The following RECK variants were observed in gnomAD, a reference collection of about 807,000 sequenced individuals.
RECK encodes reversion inducing cysteine rich protein with kazal motifs.
In RECK, 69 loss-of-function variants were observed where a neutral mutation model predicts 115.1. The observed-to-expected ratio is 0.60, with a 90% confidence interval of 0.49 to 0.73. The LOEUF is 0.73. Ranked by LOEUF, RECK falls within the 30% of genes least tolerant of loss-of-function variation. The pLI, the probability that RECK is intolerant of heterozygous loss-of-function variation, is 0.00. For missense variants in RECK, 1,047 were observed against 1,203.7 expected, an observed-to-expected ratio of 0.87 and a Z score of 1.93; for synonymous variants, 414 against 419.7, an observed-to-expected ratio of 0.99 and a Z score of 0.17.
chr9:36,108,249 C>T lies in RECK; in HGVS notation c.1765+85C>T. 3.0e-6 allele frequency: 3 copies of T among 1,006,654 alleles called. No individual in the cohort carries two copies. In the South Asian group the frequency reaches 5.3e-5, roughly 18 times the overall value. The allele number at this position is 1,006,654 out of a possible 1,614,324, so 62.4% of individuals were successfully genotyped here. A position where few individuals can be genotyped will look rare whatever the true frequency, so the allele number is the denominator to read the frequency against. Reference sequence around the variant, plus strand: ...AAGAATACTGGATAGATTCTGACCACAGAGTAAGGTCTGCATATCAGATAC... The same window carrying T: ...AAGAATACTGGATAGATTCTGACCATAGAGTAAGGTCTGCATATCAGATAC... On this transcript the variant is annotated intron_variant, in intron 14 of 20. Transcript: ENST00000377966.
intron 19 of RECK, 21 bp from the exon 20 acceptor site, chr9:36,121,512 A>G: frequency 6.2e-7 from 1 of 1,608,074 alleles, no homozygotes; most frequent in South Asian, 1.1e-5. Context: ...TTTTCAGGTA[A>G]TACATGTTTT....
intron 2 of RECK, chr9:36,057,139 A>G (rs1821560401): frequency 3.5e-6 from 1 of 286,272 alleles, no homozygotes; most frequent in Admixed American, 6.5e-5. Flanking sequence ...TTGTCAGCTC[A>G]TCAGCATCAA....
At chr9:36,104,328 T>A (rs1176639) in intron 12 of RECK, among the ~76,000 whole-genome samples, 339 of 7,048 alleles carry the variant, frequency 0.048, no homozygotes, top group East Asian at 0.09. Flanking sequence ...ATATATATAT[T>A]TTTTTTTTTT....
At chr9:36,081,353 CCAGGTAGTCT>C (rs1822682202) in intron 7 of RECK, among the ~76,000 whole-genome samples, 1 of 152,120 alleles carries the variant, frequency 6.6e-6, no homozygotes, top group Non-Finnish European at 1.5e-5. Context: ...TCAAGATTTT[CCAGGTAGTCT>C]CAGGCATGTA....
chr9:36,094,747 G>A lies in RECK; in HGVS notation c.1085+3404G>A, dbSNP rs6476525. ...TTATCATGAAGATACAATTAACCTA[G>A]ATATATATGCACCTAATGTCAGATA... is the stretch of plus-strand genomic sequence containing the variant. On this transcript the variant is annotated intron_variant, in intron 10 of 20. Transcript: ENST00000377966. This position sits in a 1 kb window ranked among gnomAD's most constrained non-coding sequence, Gnocchi z 4.1. 0.025 allele frequency among the ~76,000 whole-genome samples: 3,822 copies of A among 152,146 alleles called. 171 individuals are homozygous for A. The highest frequency in any genetic ancestry group is 0.086 in the African/African-American group (3,558 of 41,496).
At chr9:36,105,103 C>A in intron 12 of RECK, 40 bp from the exon 13 acceptor site, 6 of 1,573,104 alleles carry the variant, frequency 3.8e-6, no homozygotes, top group Non-Finnish European at 5.2e-6. Flanking sequence ...TTCTCTTACT[C>A]TTTTAGGTTG....
At chr9:36,097,786 C>CAATG (rs898853738) in intron 10 of RECK, among the ~76,000 whole-genome samples, 2 of 152,072 alleles carry the variant, frequency 1.3e-5, no homozygotes, top group African/African-American at 4.8e-5. Context: ...CTGTATTCAT[C>CAATG]AATGAATGAA....
chr9:36,049,057 A>G (rs1821183052), intron 1 of RECK, among the ~76,000 whole-genome samples: 1 of 152,146 alleles, frequency 6.6e-6, no homozygotes, highest in Non-Finnish European at 1.5e-5. Flanking sequence ...GTTTTAATAT[A>G]AGGGGTACAA....
Position 36,102,283 on chromosome 9 carries a change from AACTATTTGTTTT to A in RECK, c.1435+66_1435+77del, listed in dbSNP as rs1187190323. 10 of 1,462,530 alleles carry A rather than the reference AACTATTTGTTTT, an allele frequency of 6.8e-6. No individual in the cohort carries two copies. The South Asian group carries it at 8.7e-5, about 13-fold the overall frequency. The allele number at this position is 1,462,530 out of a possible 1,614,324, so 90.6% of individuals were successfully genotyped here. On this transcript the variant is annotated intron_variant, in intron 12 of 20. Transcript: ENST00000377966. ...TAGATTTCAAATACTTCTCTCTTCC[AACTATTTGTTTT>A]ACTATTTGTTTTGGATGAGCATTTA... is the stretch of plus-strand genomic sequence containing the variant.
In RECK at chr9:36,061,393, TACACACACACACAC is replaced by T. The variant is rs58265948; in HGVS notation, c.271+1270_271+1283del. 1.1e-3 allele frequency among the ~76,000 whole-genome samples: 147 copies of T among 129,122 alleles called. 1 individual carries two copies. Among genetic ancestry groups the T allele is most frequent in the East Asian group, 6.5e-3 (29 of 4,472 alleles). 84.7% of individuals were successfully genotyped at this position (129,122 alleles called of 152,430 possible). A position where few individuals can be genotyped will look rare whatever the true frequency, so the allele number is the denominator to read the frequency against. On this transcript the variant is annotated intron_variant, in intron 4 of 20. Coordinates refer to ENST00000377966, the MANE Select transcript of RECK (RefSeq NM_021111.3). ...GCATCCTTAGTATCCTGTAATTTTCTACACACACACACACACACACACACACACACACACACACA... is the reference window on the plus strand; with the variant it reads ...GCATCCTTAGTATCCTGTAATTTTCTACACACACACACACACACACACACA...
chr9:36,106,245 T>G (rs1360693812), intron 13 of RECK, among the ~76,000 whole-genome samples: 12 of 151,826 alleles, frequency 7.9e-5, no homozygotes, highest in Admixed American at 7.9e-4. Flanking sequence ...AAAACGTTTT[T>G]TTTTTTGAGA....
At position 36,095,798 on chromosome 9, in the gene RECK, C is replaced by T. The variant is rs563396487; in HGVS notation, c.1085+4455C>T. 6.7e-4 allele frequency among the ~76,000 whole-genome samples: 101 copies of T among 151,314 alleles called. No homozygotes were observed. In the Middle Eastern group the frequency reaches 0.017, roughly 26 times the overall value. ...AAAAATACAAAATATTGGCCAGGCA[C>T]GGTGGCTCACGCCTGTAATCCTAGC... On this transcript the variant is annotated intron_variant, in intron 10 of 20. Transcript: ENST00000377966.
At chr9:36,058,793 A>G in intron 2 of RECK, 34 bp from the exon 3 acceptor site, 1 of 1,519,838 alleles carries the variant, frequency 6.6e-7, no homozygotes, top group Non-Finnish European at 9.0e-7. Context: ...TTATAGAAAA[A>G]TGCCACAAAA....
chr9:36,092,063 C>T (rs953605885), intron 10 of RECK, among the ~76,000 whole-genome samples: 1 of 152,178 alleles, frequency 6.6e-6, no homozygotes, highest in African/African-American at 2.4e-5. Context: ...GTGTTTACTT[C>T]AAGCTAACAC....
chr9:36,072,986 C>T (rs1315131674), intron 6 of RECK, among the ~76,000 whole-genome samples: 3 of 151,960 alleles, frequency 2.0e-5, no homozygotes, highest in African/African-American at 4.8e-5. Flanking sequence ...TAAGCAATCT[C>T]ATCTCCCATA....
intron 2 of RECK, among the ~76,000 whole-genome samples, chr9:36,058,207 G>A (rs1313420723): frequency 6.6e-6 from 1 of 152,116 alleles, no homozygotes; most frequent in Non-Finnish European, 1.5e-5. Context: ...TGCACACTAT[G>A]TTTTTTGCGG....
Position 36,058,817 on chromosome 9 carries a change from T to G in RECK, c.160-10T>G, listed in dbSNP as rs1564104768. On this transcript the variant is annotated splice_polypyrimidine_tract_variant and intron_variant, in intron 2 of 20. Coordinates refer to ENST00000377966, the MANE Select transcript of RECK (RefSeq NM_021111.3). ...AATGCCACAAAAACTTTTTTTTTTTTGTCAAATAGATTTTCTCCTCAAAAA... is the reference window on the plus strand; with the variant it reads ...AATGCCACAAAAACTTTTTTTTTTTGGTCAAATAGATTTTCTCCTCAAAAA... 5 of 1,581,524 alleles carry G rather than the reference T, an allele frequency of 3.2e-6. No individual in the cohort carries two copies. The highest frequency in any genetic ancestry group is 2.7e-5 in the African/African-American group (2 of 73,496).
At chr9:36,066,092 A>G (rs1821985237) in intron 6 of RECK, among the ~76,000 whole-genome samples, 1 of 152,264 alleles carries the variant, frequency 6.6e-6, no homozygotes, top group East Asian at 1.9e-4. Flanking sequence ...TGGGGGAAAA[A>G]ATACTAAGTT....
intron 2 of RECK, among the ~76,000 whole-genome samples, chr9:36,056,288 A>G (rs1210841107): frequency 1.3e-5 from 2 of 152,218 alleles, no homozygotes; most frequent in East Asian, 3.8e-4. Context: ...TTGAAAATGT[A>G]ATATTCAAAA....
Sources: gnomAD v4.1 joint callset for allele counts (sites outside exome capture counted in the v4.1 genomes callset) on GRCh38, gnomAD v4.1.1 for gene constraint, Gnocchi (gnomAD v3.1) non-coding constraint, MANE v1.5 for transcripts, NCBI Gene and HGNC (gene_info 2026-07-23, HGNC 2026-07-21) for gene names.